KCNN3: variants seen among roughly 807,000 people sequenced by gnomAD.
KCNN3 encodes potassium calcium-activated channel subfamily N member 3.
Under a neutral mutation model 62.9 loss-of-function variants are expected in KCNN3, and 16 were observed. The ratio of observed to expected loss-of-function variants is 0.25; its 90% CI spans 0.17 to 0.39. KCNN3 has a LOEUF of 0.39. KCNN3 is among the 10% of genes least tolerant of loss of function. The probability of loss-of-function intolerance (pLI) is 1.00; values close to 1 mark genes in which losing one functional copy is unlikely to be tolerated. For synonymous variants in KCNN3, 370 were observed against 389.2 expected (o/e 0.95, Z 0.58); for missense variants, 599 against 949.4 (o/e 0.63, Z 4.85).
At chr1:154,751,226 GT>G (rs1450436498) in intron 3 of KCNN3, among the ~76,000 whole-genome samples, 2 of 152,180 alleles carry the variant, frequency 1.3e-5, no homozygotes, top group Non-Finnish European at 2.9e-5. Flanking sequence ...TTCCTCGTGT[GT>G]ACAATATGAG....
At position 154,719,700 on chromosome 1, in the gene KCNN3, G is replaced by C. The variant is rs577296200; in HGVS notation, c.1702-4697C>G. ...CCATTACACACAGGACTAGAGAAGG[G>C]GGCTGGTTCCTCTTTCCCATTTGCC... On this transcript the variant is annotated intron_variant, in intron 5 of 7. Transcript: ENST00000271915. Among the ~76,000 whole-genome samples, 735 of 152,136 alleles carry C rather than the reference G, an allele frequency of 4.8e-3. 4 individuals carry two copies. Among genetic ancestry groups the C allele is most frequent in the Non-Finnish European group, 8.3e-3 (567 of 67,984 alleles).
chr1:154,832,078 G>A (rs1045615300), intron 1 of KCNN3, among the ~76,000 whole-genome samples: 2 of 151,872 alleles, frequency 1.3e-5, no homozygotes, highest in African/African-American at 4.8e-5. Flanking sequence ...TCATACTAAC[G>A]GAAATATAAC....
chr1:154,823,713 C>T (rs1444564291), intron 1 of KCNN3, among the ~76,000 whole-genome samples: 1 of 152,140 alleles, frequency 6.6e-6, no homozygotes, highest in Non-Finnish European at 1.5e-5. Context: ...CAGAGTGAAA[C>T]CTACAGTAGA....
intron 2 of KCNN3, among the ~76,000 whole-genome samples, chr1:154,787,533 A>T (rs1385081863): frequency 6.6e-6 from 1 of 152,224 alleles, no homozygotes; most frequent in Non-Finnish European, 1.5e-5. Context: ...GCGCAGAAGC[A>T]AACAAAGATA....
Position 154,698,051 on chromosome 1 carries a change from T to C in KCNN3, c.*9925A>G, listed in dbSNP as rs923524504. The C allele has an allele frequency of 6.6e-5, 10 of 152,212 alleles. No individual in the cohort carries two copies. Among genetic ancestry groups the C allele is most frequent in the Non-Finnish European group, 1.3e-4 (9 of 68,028 alleles). 9.4% of individuals were successfully genotyped at this position (152,212 alleles called of 1,614,324 possible). A position where few individuals can be genotyped will look rare whatever the true frequency, so the allele number is the denominator to read the frequency against. On this transcript the variant is annotated 3_prime_UTR_variant, in exon 8 of 8. Transcript: ENST00000271915. ...GAGTTGGTAAATGTATTCATTCATA[T>C]GGAGTTTTTGGAGGAAGAGCTTTAA...
At chr1:154,802,849 G>T (rs759489329) in intron 2 of KCNN3, among the ~76,000 whole-genome samples, 1 of 152,160 alleles carries the variant, frequency 6.6e-6, no homozygotes, top group Non-Finnish European at 1.5e-5. Context: ...CTTCGGCCTG[G>T]GTTTCCTCTG....
chr1:154,704,262 C>T lies in KCNN3; in HGVS notation c.*3714G>A, dbSNP rs955753473. The T allele has an allele frequency of 4.6e-5, 7 of 152,196 alleles. No homozygotes were observed. Among genetic ancestry groups the T allele is most frequent in the African/African-American group, 1.7e-4 (7 of 41,424 alleles). The allele number at this position is 152,196 out of a possible 1,614,324, so 9.4% of individuals were successfully genotyped here. A position where few individuals can be genotyped will look rare whatever the true frequency, so the allele number is the denominator to read the frequency against. ...TCAGTGGTGACTTGGGGCCTTCCCCCCTTGTTCTTTTGGATTGTATTAAGC... is the reference window on the plus strand; with the variant it reads ...TCAGTGGTGACTTGGGGCCTTCCCCTCTTGTTCTTTTGGATTGTATTAAGC... On this transcript the variant is annotated 3_prime_UTR_variant, in exon 8 of 8. Coordinates refer to ENST00000271915, the MANE Select transcript of KCNN3 (RefSeq NM_002249.6).
intron 2 of KCNN3, among the ~76,000 whole-genome samples, chr1:154,801,446 G>A (rs76010988): frequency 0.055 from 8,431 of 152,168 alleles, 260 homozygotes; most frequent in Non-Finnish European, 0.071. Flanking sequence ...CTGTGCTGGC[G>A]GCTCTGAAGC....
At chr1:154,821,366 G>A (rs1456775889) in intron 2 of KCNN3, among the ~76,000 whole-genome samples, 1 of 152,198 alleles carries the variant, frequency 6.6e-6, no homozygotes, top group Non-Finnish European at 1.5e-5. Context: ...CAGCCTGAAG[G>A]GCCGGGGGCT....
At chr1:154,713,437 G>A (rs1700119843) in intron 7 of KCNN3, 27 bp downstream of exon 7, 1 of 1,585,084 alleles carries the variant, frequency 6.3e-7, no homozygotes, top group Non-Finnish European at 8.7e-7. Context: ...CGTGTTCTAG[G>A]GGATGTCTCC....
At chr1:154,866,259 T>G (rs1463376494) in intron 1 of KCNN3, among the ~76,000 whole-genome samples, 1 of 152,230 alleles carries the variant, frequency 6.6e-6, no homozygotes, top group African/African-American at 2.4e-5. Flanking sequence ...AAGCTCCAAC[T>G]AATTTTACAG....
In KCNN3 at chr1:154,862,829, A is replaced by C. The variant is rs1039658625; in HGVS notation, c.933+6203T>G. Among the ~76,000 whole-genome samples the C allele has an allele frequency of 6.6e-6, 1 of 152,026 alleles. No individual in the cohort carries two copies. The highest frequency in any genetic ancestry group is 1.5e-5 in the Non-Finnish European group (1 of 67,980). On this transcript the variant is annotated intron_variant, in intron 1 of 7. Transcript: ENST00000271915. This position sits in a 1 kb window ranked among gnomAD's most constrained non-coding sequence, Gnocchi z 4.1. ...TCGTGGTAAAGTTCCTCCTGTTCCA[A>C]CATTTTGCATCACGGGTCTCAGTGC...
At chr1:154,778,611 C>CTTTTTTT (rs11459390) in intron 2 of KCNN3, among the ~76,000 whole-genome samples, 30 of 73,632 alleles carry the variant, frequency 4.1e-4, no homozygotes, top group Admixed American at 6.3e-4. Context: ...CTCTCTGTCT[C>CTTTTTTT]TTTTTTTTTT....
intron 1 of KCNN3, among the ~76,000 whole-genome samples, chr1:154,858,526 G>A (rs1652625385): frequency 6.6e-6 from 1 of 152,208 alleles, no homozygotes; most frequent in Non-Finnish European, 1.5e-5. Context: ...ATCTGGCTGG[G>A]GAGAGACCCC....
intron 6 of KCNN3, among the ~76,000 whole-genome samples, chr1:154,714,349 T>A: frequency 8.0e-6 from 1 of 125,324 alleles, no homozygotes; most frequent in Non-Finnish European, 1.6e-5. Flanking sequence ...GTGTGTGGTG[T>A]GTATGGTGTG....
At chr1:154,715,564 T>C (rs1019142015) in intron 5 of KCNN3, among the ~76,000 whole-genome samples, 6 of 151,978 alleles carry the variant, frequency 3.9e-5, no homozygotes, top group South Asian at 2.1e-4. Context: ...TTTCTTCCTT[T>C]CTTTCTTTCT....
At chr1:154,719,695 G>A (rs555501354) in intron 5 of KCNN3, among the ~76,000 whole-genome samples, 33 of 152,216 alleles carry the variant, frequency 2.2e-4, no homozygotes, top group African/African-American at 7.0e-4. Flanking sequence ...CAGGACTAGA[G>A]AAGGGGGCTG....
chr1:154,846,653 C>T (rs1485539748), intron 1 of KCNN3, among the ~76,000 whole-genome samples: 1 of 152,172 alleles, frequency 6.6e-6, no homozygotes, highest in African/African-American at 2.4e-5. Context: ...TGTCTGCAGC[C>T]AGTTTCCATG....
At chr1:154,761,381 T>C (rs1648005068) in intron 3 of KCNN3, among the ~76,000 whole-genome samples, 1 of 151,966 alleles carries the variant, frequency 6.6e-6, no homozygotes, top group Admixed American at 6.6e-5. Flanking sequence ...GGCATGAGAA[T>C]AGTTTGAACC....
Sources: gnomAD v4.1 joint callset for allele counts (sites outside exome capture counted in the v4.1 genomes callset) on GRCh38, gnomAD v4.1.1 for gene constraint, Gnocchi (gnomAD v3.1) non-coding constraint, MANE v1.5 for transcripts, NCBI Gene and HGNC (gene_info 2026-07-23, HGNC 2026-07-21) for gene names.